The following ADAMTSL1 variants were observed in gnomAD, a reference collection of about 807,000 sequenced individuals.
ADAMTSL1 encodes the protein ADAMTS-like protein 1.
Under a neutral mutation model 201.8 loss-of-function variants are expected in ADAMTSL1, and 126 were observed. The observed-to-expected ratio is 0.62, with a 90% CI of 0.54 to 0.72. ADAMTSL1 has a LOEUF of 0.72. Ranked by LOEUF, ADAMTSL1 falls within the 30% of genes least tolerant of loss-of-function variation. The pLI is 0.00. For missense variants in ADAMTSL1, 2,679 were observed against 2,277.8 expected, an observed-to-expected ratio of 1.18 and a Z score of -3.59; for synonymous variants, 1,121 against 903.4, an observed-to-expected ratio of 1.24 and a Z score of -4.32.
chr9:18,051,662 T>A (rs937644978), intron 1 of ADAMTSL1, among the ~76,000 whole-genome samples: 2 of 152,198 alleles, frequency 1.3e-5, no homozygotes, highest in Non-Finnish European at 2.9e-5. Context: ...ATCCAGTTAT[T>A]ATCAGTCTTA....
chr9:18,865,097 T>G (rs543905999), intron 23 of ADAMTSL1, among the ~76,000 whole-genome samples: 1 of 152,230 alleles, frequency 6.6e-6, no homozygotes, highest in African/African-American at 2.4e-5. Flanking sequence ...CGTGCAGATT[T>G]GTTACATATG....
chr9:18,518,283 C>G (rs1818483030), intron 2 of ADAMTSL1, among the ~76,000 whole-genome samples: 1 of 152,118 alleles, frequency 6.6e-6, no homozygotes, highest in Admixed American at 6.6e-5. Context: ...GGCAGTTTTT[C>G]CACCCCGCCC....
intron 1 of ADAMTSL1, among the ~76,000 whole-genome samples, chr9:17,939,395 T>C (rs1827140641): frequency 6.6e-6 from 1 of 152,092 alleles, no homozygotes; most frequent in East Asian, 1.9e-4. Flanking sequence ...TTCTACCATT[T>C]TTTTTGGGTC....
intron 2 of ADAMTSL1, among the ~76,000 whole-genome samples, chr9:18,229,939 C>G (rs1830585653): frequency 6.6e-6 from 1 of 152,152 alleles, no homozygotes. Flanking sequence ...TCAAGCGATC[C>G]ACTTGCCTCA....
intron 2 of ADAMTSL1, among the ~76,000 whole-genome samples, chr9:18,435,611 T>C (rs1416681213): frequency 2.0e-5 from 3 of 152,176 alleles, no homozygotes; most frequent in Non-Finnish European, 2.9e-5. Context: ...GGAAGTGAAC[T>C]GGACCTTTGA....
intron 2 of ADAMTSL1, among the ~76,000 whole-genome samples, chr9:18,368,372 A>G (rs745808523): frequency 6.6e-6 from 1 of 152,222 alleles, no homozygotes; most frequent in Non-Finnish European, 1.5e-5. Flanking sequence ...CTGTGGTAAC[A>G]GGGCATGCCT....
At chr9:17,930,001 T>A (rs1270969248) in intron 1 of ADAMTSL1, among the ~76,000 whole-genome samples, 2 of 152,184 alleles carry the variant, frequency 1.3e-5, no homozygotes, top group Non-Finnish European at 2.9e-5. Flanking sequence ...TGAGAAAATA[T>A]GCAGTGAATA....
chr9:18,817,521 G>A (rs568768475), intron 21 of ADAMTSL1, among the ~76,000 whole-genome samples: 2 of 152,176 alleles, frequency 1.3e-5, no homozygotes, highest in Non-Finnish European at 2.9e-5. Context: ...CAAAGATGGG[G>A]GCAAGGAGTT....
intron 23 of ADAMTSL1, among the ~76,000 whole-genome samples, chr9:18,844,068 T>G (rs956270363): frequency 6.6e-6 from 1 of 152,270 alleles, no homozygotes; most frequent in South Asian, 2.1e-4. Flanking sequence ...CTTTGTTCCA[T>G]TGCTGGTGAG....
At chr9:17,913,023 C>T (rs1390365582) in intron 1 of ADAMTSL1, among the ~76,000 whole-genome samples, 2 of 152,070 alleles carry the variant, frequency 1.3e-5, no homozygotes, top group Admixed American at 6.6e-5. Context: ...TCTGAGGGCT[C>T]TGTTCTGTTC....
rs113844376 is a variant in ADAMTSL1 at position 18,025,548 on chromosome 9, G to A, written c.87+118626G>A. Among the ~76,000 whole-genome samples the A allele has an allele frequency of 3.0e-3, 463 of 152,126 alleles. 2 individuals are homozygous for A. The highest frequency in any genetic ancestry group is 0.011 in the African/African-American group (442 of 41,522). On this transcript the variant is annotated intron_variant, in intron 1 of 29. Transcript: ENST00000680146. ...TGCCTATTTTGCTAACTTTGTCAAA[G>A]ATCAGATGGTTGCAGGTGTGTGGCT...
At chr9:17,931,251 A>G (rs1304271470) in intron 1 of ADAMTSL1, among the ~76,000 whole-genome samples, 1 of 152,192 alleles carries the variant, frequency 6.6e-6, no homozygotes, top group Non-Finnish European at 1.5e-5. Context: ...AGGAGCAGAA[A>G]TTCGAGCCCG....
chr9:18,217,659 G>C (rs1405000515), intron 2 of ADAMTSL1, among the ~76,000 whole-genome samples: 1 of 152,048 alleles, frequency 6.6e-6, no homozygotes, highest in Non-Finnish European at 1.5e-5. Flanking sequence ...TTCAACTCTT[G>C]CCTTCTTGCC....
At chr9:18,718,495 T>G (rs1833107673) in intron 14 of ADAMTSL1, 1 of 566,358 alleles carries the variant, frequency 1.8e-6, no homozygotes, top group Non-Finnish European at 3.5e-6. Flanking sequence ...CAACGCCTCC[T>G]GGGCCAAGAA....
Position 18,845,468 on chromosome 9 carries a change from G to T in ADAMTSL1, c.4249+15491G>T, listed in dbSNP as rs888961903. ...CCAACACACATGGTGGCACCAACAT[G>T]CTCACCAGGGCCACAGGCCCATCAT... On this transcript the variant is annotated intron_variant, in intron 23 of 28. Coordinates refer to ENST00000380548, the MANE Select transcript of ADAMTSL1 (RefSeq NM_001040272.6). Among the ~76,000 whole-genome samples, 6 of 152,344 alleles carry T rather than the reference G, an allele frequency of 3.9e-5. No individual in the cohort carries two copies. The South Asian group carries it at 6.2e-4, about 16-fold the overall frequency.
intron 1 of ADAMTSL1, among the ~76,000 whole-genome samples, chr9:17,980,603 G>T (rs1361508443): frequency 6.6e-6 from 1 of 151,996 alleles, no homozygotes; most frequent in Non-Finnish European, 1.5e-5. Flanking sequence ...GTGTGATGGG[G>T]TTGGGAGGTG....
intron 1 of ADAMTSL1, among the ~76,000 whole-genome samples, chr9:18,159,106 A>G (rs1180983426): frequency 1.3e-5 from 2 of 152,088 alleles, no homozygotes; most frequent in Non-Finnish European, 2.9e-5. Flanking sequence ...GTACATTCAA[A>G]TAATACAGTG....
rs1317380272 is a variant in ADAMTSL1, at chr9:18,172,091, A to G, written c.207+8110A>G. 3.5e-5 allele frequency among the ~76,000 whole-genome samples: 5 copies of G among 143,512 alleles called. No homozygotes were observed. In the East Asian group the frequency reaches 6.8e-4, roughly 19 times the overall value. 94.1% of individuals were successfully genotyped at this position (143,512 alleles called of 152,430 possible). Reference sequence around the variant, plus strand: ...GGAGCTGAACAACGAGAACACATGGACACAGGGAGGAGAACATCAAACACG... The same window carrying G: ...GGAGCTGAACAACGAGAACACATGGGCACAGGGAGGAGAACATCAAACACG... On this transcript the variant is annotated intron_variant, in intron 2 of 29. Transcript: ENST00000680146.
intron 1 of ADAMTSL1, among the ~76,000 whole-genome samples, chr9:18,069,491 A>C (rs914975960): frequency 6.6e-6 from 1 of 152,044 alleles, no homozygotes; most frequent in African/African-American, 2.4e-5. Flanking sequence ...TTTGCAGCAC[A>C]CTCTGATATT....
Sources: allele counts gnomAD v4.1 joint callset (sites outside exome capture counted in the v4.1 genomes callset), GRCh38; gene constraint gnomAD v4.1.1; transcripts MANE v1.5; gene names NCBI Gene and HGNC (gene_info 2026-07-23, HGNC 2026-07-21).